Variants in STAU2 observed in about 807,000 individuals in gnomAD.
The protein encoded by STAU2 is staufen double-stranded RNA binding protein 2, also known as double-stranded RNA-binding protein Staufen homolog 2.
A neutral mutation model predicts 65.9 loss-of-function variants in STAU2; 20 were observed. The observed-to-expected ratio is 0.30, with a 90% CI of 0.21 to 0.44. The LOEUF is 0.44. Ranked by LOEUF, STAU2 falls within the 20% of genes least tolerant of loss-of-function variation. The pLI is 1.00. For synonymous variants in STAU2, 232 were observed against 233.9 expected, an observed-to-expected ratio of 0.99 and a Z score of 0.07; for missense variants, 558 against 683.9, an observed-to-expected ratio of 0.82 and a Z score of 2.05.
At chr8:73,611,819 T>C (rs1372048480) in intron 9 of STAU2, among the ~76,000 whole-genome samples, 1 of 152,016 alleles carries the variant, frequency 6.6e-6, no homozygotes, top group Admixed American at 6.6e-5. Context: ...GTAGCTGGGA[T>C]TAGAGACGCA....
In STAU2 at chr8:73,422,825, T is replaced by C. The variant is rs913958656; in HGVS notation, c.1531-123A>G. ...GTCTACATAATTTTTTTTTGCATTG[T>C]TTAACAAAAGTACACTAGAAAGTCT... On this transcript the variant is annotated intron_variant, in intron 13 of 14. Coordinates refer to ENST00000524300, the MANE Select transcript of STAU2 (RefSeq NM_001164380.2). 6.3e-6 allele frequency: 4 copies of C among 631,812 alleles called. No homozygotes were observed. The African/African-American group carries it at 7.7e-5, about 12-fold the overall frequency. The allele number at this position is 631,812 out of a possible 1,614,324, so 39.1% of individuals were successfully genotyped here. A position where few individuals can be genotyped will look rare whatever the true frequency, so the allele number is the denominator to read the frequency against.
intron 13 of STAU2, among the ~76,000 whole-genome samples, chr8:73,494,338 T>C (rs1466818818): frequency 6.6e-6 from 1 of 151,750 alleles, no homozygotes; most frequent in African/African-American, 2.4e-5. Context: ...TAGCAAAATA[T>C]TAATTATACA....
intron 6 of STAU2, among the ~76,000 whole-genome samples, chr8:73,626,104 GAC>G (rs1417413062): frequency 7.6e-6 from 1 of 131,432 alleles, no homozygotes; most frequent in Non-Finnish European, 1.6e-5. Flanking sequence ...CACACACACA[GAC>G]ACATACACAT....
chr8:73,658,759 A>C (rs1816581343), intron 6 of STAU2, among the ~76,000 whole-genome samples: 1 of 152,016 alleles, frequency 6.6e-6, no homozygotes, highest in Non-Finnish European at 1.5e-5. Context: ...CTACAAATAC[A>C]AAAATTAGCT....
intron 13 of STAU2, among the ~76,000 whole-genome samples, chr8:73,428,081 CT>C (rs1816960852): frequency 6.6e-6 from 1 of 152,166 alleles, no homozygotes; most frequent in African/African-American, 2.4e-5. Flanking sequence ...CAAACTTATC[CT>C]TTTTATCTGA....
intron 13 of STAU2, among the ~76,000 whole-genome samples, chr8:73,510,616 G>A (rs1822336422): frequency 6.6e-6 from 1 of 152,178 alleles, no homozygotes; most frequent in Non-Finnish European, 1.5e-5. Flanking sequence ...TGACTGGGGA[G>A]GCCTCAGGAA....
chr8:73,707,914 CA>C (rs1291972667), intron 4 of STAU2, among the ~76,000 whole-genome samples: 3 of 151,780 alleles, frequency 2.0e-5, no homozygotes, highest in African/African-American at 7.3e-5. Context: ...TGAGTAAGGG[CA>C]AAAGCACCTT....
intron 13 of STAU2, among the ~76,000 whole-genome samples, chr8:73,425,339 T>G (rs1043026728): frequency 3.9e-5 from 6 of 152,106 alleles, no homozygotes; most frequent in African/African-American, 1.4e-4. Context: ...GAACGCCACG[T>G]GAAGATGGTG....
At chr8:73,579,475 G>A (rs1809826709) in intron 12 of STAU2, among the ~76,000 whole-genome samples, 1 of 152,056 alleles carries the variant, frequency 6.6e-6, no homozygotes, top group African/African-American at 2.4e-5. Context: ...CATGGAATGT[G>A]AATACAAAAA....
chr8:73,460,028 C>T (rs1819268385), intron 13 of STAU2, among the ~76,000 whole-genome samples: 1 of 152,198 alleles, frequency 6.6e-6, no homozygotes, highest in Non-Finnish European at 1.5e-5. Flanking sequence ...TTAGACCATT[C>T]ATATAGGTCA....
At chr8:73,549,965 G>C (rs1381466967) in intron 13 of STAU2, 1 of 985,608 alleles carries the variant, frequency 1.0e-6, no homozygotes, top group African/African-American at 1.7e-5. Context: ...TACCTATAAA[G>C]AAATAGGCTT....
intron 13 of STAU2, among the ~76,000 whole-genome samples, chr8:73,462,913 G>A (rs1819448151): frequency 6.6e-6 from 1 of 152,202 alleles, no homozygotes; most frequent in Admixed American, 6.5e-5. Context: ...TGTAGCCAAT[G>A]ATGGTGAAGA....
At chr8:73,473,281 C>A (rs564768926) in intron 13 of STAU2, among the ~76,000 whole-genome samples, 1 of 152,254 alleles carries the variant, frequency 6.6e-6, no homozygotes, top group African/African-American at 2.4e-5. Context: ...CTCTGAAATA[C>A]TCAAGAGCTG....
intron 1 of STAU2, among the ~76,000 whole-genome samples, chr8:73,741,198 G>A (rs183208668): frequency 1.3e-5 from 2 of 149,288 alleles, no homozygotes; most frequent in South Asian, 4.3e-4. Context: ...CCAGCTACTC[G>A]GGAGGCTGAG....
intron 13 of STAU2, among the ~76,000 whole-genome samples, chr8:73,433,792 C>G (rs574458951): frequency 6.6e-6 from 1 of 151,996 alleles, no homozygotes; most frequent in East Asian, 1.9e-4. Flanking sequence ...CGTGAGCCAC[C>G]GTGCCTGGCC....
At chr8:73,476,150 T>A (rs959237663) in intron 13 of STAU2, among the ~76,000 whole-genome samples, 2 of 152,204 alleles carry the variant, frequency 1.3e-5, no homozygotes, top group African/African-American at 2.4e-5. Flanking sequence ...TTTATTTTCT[T>A]ATTCAAGAAC....
intron 13 of STAU2, among the ~76,000 whole-genome samples, chr8:73,492,938 C>T (rs1305320061): frequency 6.6e-6 from 1 of 151,782 alleles, no homozygotes; most frequent in Non-Finnish European, 1.5e-5. Context: ...TCACTATTCA[C>T]TTAATATAAA....
At chr8:73,634,541 T>A (rs1814351758) in intron 6 of STAU2, among the ~76,000 whole-genome samples, 2 of 152,010 alleles carry the variant, frequency 1.3e-5, no homozygotes, top group Admixed American at 1.3e-4. Flanking sequence ...AAACAAAAAA[T>A]AAAAAAACCT....
At chr8:73,539,526 C>T (rs965495391) in intron 13 of STAU2, among the ~76,000 whole-genome samples, 3 of 152,082 alleles carry the variant, frequency 2.0e-5, no homozygotes, top group African/African-American at 7.2e-5. Context: ...ACAGGAGTCA[C>T]TGAACTTATA....
Sources: gnomAD v4.1 joint callset for allele counts (sites outside exome capture counted in the v4.1 genomes callset) on GRCh38, gnomAD v4.1.1 for gene constraint, MANE v1.5 for transcripts, NCBI Gene and HGNC (gene_info 2026-07-23, HGNC 2026-07-21) for gene names.